AK3: variants seen among roughly 807,000 people sequenced by gnomAD.
AK3 encodes the protein adenylate kinase 3, also known as GTP:AMP phosphotransferase AK3, mitochondrial.
In AK3, 27 loss-of-function variants were observed where a neutral mutation model predicts 23.7. The ratio of observed to expected loss-of-function variants is 1.14; its 90% CI spans 0.84 to 1.57. The LOEUF (loss-of-function observed/expected upper bound fraction) is 1.57. Among genes scored for constraint, AK3 ranks in the 40% most tolerant of loss-of-function variants. The pLI is 0.00. For missense variants in AK3, 406 were observed against 285.6 expected (o/e 1.42, Z -3.04); for synonymous variants, 159 against 116.0 (o/e 1.37, Z -2.38).
At chr9:4,723,026 G>A (rs1009777131) in intron 1 of AK3, among the ~76,000 whole-genome samples, 1 of 152,160 alleles carries the variant, frequency 6.6e-6, no homozygotes, top group Admixed American at 6.5e-5. Flanking sequence ...AGCCGAGATC[G>A]TGCCATTGCA....
At chr9:4,733,796 A>T (rs1287034859) in intron 1 of AK3, among the ~76,000 whole-genome samples, 2 of 140,976 alleles carry the variant, frequency 1.4e-5, no homozygotes, top group African/African-American at 2.6e-5. Flanking sequence ...ACCCCCAGCA[A>T]GGAGCTCTAC....
At chr9:4,718,212 C>T (rs371798754) in intron 4 of AK3, among the ~76,000 whole-genome samples, 1 of 152,210 alleles carries the variant, frequency 6.6e-6, no homozygotes, top group African/African-American at 2.4e-5. Context: ...ACCAAGAGAA[C>T]GGCTACACTG....
At chr9:4,741,406 C>A, upstream of AK3, 2 of 261,582 alleles carry the variant, frequency 7.6e-6, no homozygotes, top group Non-Finnish European at 1.4e-5. Flanking sequence ...ACCTGCGCCT[C>A]TCCGCGGCCC....
intron 1 of AK3, among the ~76,000 whole-genome samples, chr9:4,737,285 T>G (rs1464031801): frequency 6.9e-6 from 1 of 144,994 alleles, no homozygotes; most frequent in Non-Finnish European, 1.5e-5. Flanking sequence ...ATCTAAAATG[T>G]CTATCTCATG....
rs1003763771 is a variant in AK3 at position 4,740,368 on chromosome 9, T to C, written c.151+569A>G. On this transcript the variant is annotated intron_variant, in intron 1 of 4. Transcript: ENST00000381809. ...GAACCATGCACAAGAATAGCCTTCG[T>C]GTCTACGAAATCTAAGGATATCAAA... Among the ~76,000 whole-genome samples, 5 of 152,204 alleles carry C rather than the reference T, an allele frequency of 3.3e-5. 1 individual carries two copies. The highest frequency in any genetic ancestry group is 3.3e-4 in the Admixed American group (5 of 15,276).
At chr9:4,739,525 A>T (rs1842374358) in intron 1 of AK3, among the ~76,000 whole-genome samples, 1 of 151,302 alleles carries the variant, frequency 6.6e-6, no homozygotes, top group South Asian at 2.1e-4. Flanking sequence ...TACTACAAAA[A>T]CAGAATGAAA....
At chr9:4,740,058 T>TAAAA (rs141239618) in intron 1 of AK3, among the ~76,000 whole-genome samples, 6 of 85,634 alleles carry the variant, frequency 7.0e-5, no homozygotes, top group East Asian at 3.0e-4. Flanking sequence ...TTGCTATCCT[T>TAAAA]ACAAAAAAAA....
intron 1 of AK3, among the ~76,000 whole-genome samples, chr9:4,739,950 C>T (rs1401974413): frequency 6.6e-6 from 1 of 151,288 alleles, no homozygotes; most frequent in African/African-American, 2.4e-5. Context: ...AAAAAGTAAA[C>T]CTTTCTAGAA....
At chr9:4,738,526 A>G (rs538829943) in intron 1 of AK3, among the ~76,000 whole-genome samples, 1 of 152,176 alleles carries the variant, frequency 6.6e-6, no homozygotes, top group East Asian at 1.9e-4. Flanking sequence ...AATGAGAATA[A>G]AAAAGTAACC....
intron 2 of AK3, 138 bp downstream of exon 2, chr9:4,722,368 A>G: frequency 8.3e-7 from 1 of 1,200,830 alleles, no homozygotes; most frequent in South Asian, 1.6e-5. Flanking sequence ...AGAGAAGATG[A>G]CTGGTTTCAG....
intron 1 of AK3, among the ~76,000 whole-genome samples, chr9:4,734,313 A>G (rs499012): frequency 0.62 from 94,666 of 151,588 alleles, 29,965 homozygotes; most frequent in East Asian, 0.8. Context: ...CAGAACTATA[A>G]GAAAATAAGC....
At chr9:4,718,290 C>T (rs2130877979) in intron 4 of AK3, 129 bp downstream of exon 4, 2 of 702,590 alleles carry the variant, frequency 2.8e-6, no homozygotes, top group Non-Finnish European at 5.0e-6. Context: ...TAATGTATTT[C>T]CTTTATTACT....
intron 4 of AK3, among the ~76,000 whole-genome samples, chr9:4,715,651 C>T (rs546931721): frequency 3.3e-4 from 50 of 152,262 alleles, no homozygotes; most frequent in African/African-American, 1.2e-3. Flanking sequence ...CCTGCCTTAG[C>T]CTCCCAAAGT....
intron 1 of AK3, among the ~76,000 whole-genome samples, chr9:4,733,103 C>T (rs140396543): frequency 3.3e-5 from 5 of 152,022 alleles, no homozygotes; most frequent in African/African-American, 1.2e-4. Flanking sequence ...CCTGCCTTAG[C>T]CTCCCAAAGT....
In AK3 at chr9:4,725,996, C is replaced by A. The variant is rs114105076; in HGVS notation, c.152-3371G>T. ...GTGAGTCACACAAATTTTTTGGTTT[C>A]TCGGTGCATATAAAAGTTATATATT... is the stretch of plus-strand genomic sequence containing the variant. On this transcript the variant is annotated intron_variant, in intron 1 of 4. Coordinates refer to ENST00000381809, the MANE Select transcript of AK3 (RefSeq NM_016282.4). 6.9e-3 allele frequency among the ~76,000 whole-genome samples: 1,049 copies of A among 152,132 alleles called. 22 individuals are homozygous for A. The highest frequency in any genetic ancestry group is 0.024 in the African/African-American group (999 of 41,490).
chr9:4,719,036 T>C, intron 3 of AK3, 99 bp downstream of exon 3: 11 of 1,280,770 alleles, frequency 8.6e-6, no homozygotes, highest in Non-Finnish European at 1.2e-5. Flanking sequence ...CCTCAGGAGT[T>C]TTGGTCAGAG....
intron 1 of AK3, among the ~76,000 whole-genome samples, chr9:4,734,476 G>C (rs925571203): frequency 1.4e-4 from 22 of 152,180 alleles, no homozygotes; most frequent in Admixed American, 1.4e-3. Flanking sequence ...GATGCTTAAA[G>C]GATCCACGGA....
In AK3 at chr9:4,712,097, G is replaced by A. The variant is rs1234879266; in HGVS notation, c.*879C>T. ...GGCGGGGGAGATGGTACTATAACTT[G>A]TTATTTATCAGGGCAGATCACACAT... On this transcript the variant is annotated 3_prime_UTR_variant, in exon 5 of 5. Coordinates refer to ENST00000381809, the MANE Select transcript of AK3 (RefSeq NM_016282.4). 2.6e-5 allele frequency: 4 copies of A among 151,896 alleles called. No homozygotes were observed. Among genetic ancestry groups the A allele is most frequent in the African/African-American group, 4.8e-5 (2 of 41,444 alleles). 9.4% of individuals were successfully genotyped at this position (151,896 alleles called of 1,614,324 possible).
chr9:4,741,105 C>A lies in AK3; in HGVS notation c.-18G>T. 6.7e-7 allele frequency: 1 copy of A among 1,501,604 alleles called. No homozygotes were observed. The highest frequency in any genetic ancestry group is 2.3e-5 in the Admixed American group (1 of 44,250). The allele number at this position is 1,501,604 out of a possible 1,614,324, so 93.0% of individuals were successfully genotyped here. Reference sequence around the variant, plus strand: ...GCCCCCATGGCCGCAGACTGAGGCCCGCACCGCGCGGGTACCAGGGCTTTG... The same window carrying A: ...GCCCCCATGGCCGCAGACTGAGGCCAGCACCGCGCGGGTACCAGGGCTTTG... On this transcript the variant is annotated 5_prime_UTR_variant, in exon 1 of 5. Coordinates refer to ENST00000381809, the MANE Select transcript of AK3 (RefSeq NM_016282.4).
Sources: allele counts gnomAD v4.1 joint callset (sites outside exome capture counted in the v4.1 genomes callset), GRCh38; gene constraint gnomAD v4.1.1; transcripts MANE v1.5; gene names NCBI Gene and HGNC (gene_info 2026-07-23, HGNC 2026-07-21).